Variants in UTRN observed in about 807,000 individuals in gnomAD.
UTRN encodes dystrophin-related protein 1.
Under a neutral mutation model 463.9 loss-of-function variants are expected in UTRN, and 283 were observed. The observed-to-expected ratio is 0.61, with a 90% CI of 0.55 to 0.67. UTRN has a LOEUF of 0.67. UTRN is among the 30% of genes least tolerant of loss of function. UTRN has a pLI of 0.00. For synonymous variants in UTRN, 1,442 were observed against 1,431.5 expected (o/e 1.01, Z -0.17); for missense variants, 3,922 against 4,084.3 (o/e 0.96, Z 1.08).
intron 55 of UTRN, among the ~76,000 whole-genome samples, chr6:144,749,036 C>G: frequency 6.6e-6 from 1 of 152,108 alleles, no homozygotes. Flanking sequence ...ACTGGGAACT[C>G]TCATCTATAA....
At chr6:144,812,502 A>G (rs897654974) in intron 65 of UTRN, among the ~76,000 whole-genome samples, 3 of 152,194 alleles carry the variant, frequency 2.0e-5, no homozygotes, top group African/African-American at 4.8e-5. Context: ...AGCATAAAGT[A>G]AGATTATACA....
intron 43 of UTRN, among the ~76,000 whole-genome samples, chr6:144,534,282 T>A (rs1170272902): frequency 6.6e-6 from 1 of 152,204 alleles, no homozygotes; most frequent in Admixed American, 6.5e-5. Context: ...TTAGGAGTCA[T>A]GACTCACCTC....
intron 1 of UTRN, among the ~76,000 whole-genome samples, chr6:144,287,548 G>A (rs959576639): frequency 6.6e-6 from 1 of 151,728 alleles, no homozygotes; most frequent in African/African-American, 2.4e-5. Context: ...GCACACTGTT[G>A]GATATATATG....
chr6:144,599,424 T>C (rs1021139954), intron 51 of UTRN, among the ~76,000 whole-genome samples: 1 of 152,202 alleles, frequency 6.6e-6, no homozygotes. Flanking sequence ...TACCTTTAAC[T>C]GTGAGGAGTG....
intron 50 of UTRN, among the ~76,000 whole-genome samples, chr6:144,569,804 G>A (rs1800770903): frequency 6.6e-6 from 1 of 152,152 alleles, no homozygotes; most frequent in African/African-American, 2.4e-5. Flanking sequence ...GTCCTTAAAG[G>A]TGGAGGAGGT....
intron 53 of UTRN, among the ~76,000 whole-genome samples, chr6:144,717,277 C>T (rs1180848403): frequency 1.3e-5 from 2 of 152,194 alleles, no homozygotes; most frequent in Non-Finnish European, 1.5e-5. Flanking sequence ...AAGGTTCTCT[C>T]CACAAAGAGG....
intron 42 of UTRN, 107 bp from the exon 43 acceptor site, chr6:144,532,978 T>G: frequency 1.8e-6 from 1 of 544,852 alleles, no homozygotes. Flanking sequence ...TTTCCAGGAG[T>G]TTGTTTCTTT....
At position 144,445,770 on chromosome 6, in the gene UTRN, C is replaced by T. The variant is rs541623834; in HGVS notation, c.1614+1388C>T. On this transcript the variant is annotated intron_variant, in intron 14 of 74. Coordinates refer to ENST00000367545, the MANE Select transcript of UTRN (RefSeq NM_007124.3). Reference sequence around the variant, plus strand: ...CAATAATGACAGTAGAAAGGCTGGGCGCGGTGGATCACGCTTGTAATCCCA... The same window carrying T: ...CAATAATGACAGTAGAAAGGCTGGGTGCGGTGGATCACGCTTGTAATCCCA... Among the ~76,000 whole-genome samples, 6 of 152,188 alleles carry T rather than the reference C, an allele frequency of 3.9e-5. No individual in the cohort carries two copies. In the East Asian group the frequency reaches 5.8e-4, roughly 15 times the overall value.
At chr6:144,549,921 C>T (rs1375895243) in intron 47 of UTRN, among the ~76,000 whole-genome samples, 1 of 152,218 alleles carries the variant, frequency 6.6e-6, no homozygotes, top group African/African-American at 2.4e-5. Flanking sequence ...AATTGGTAAA[C>T]ATCTTCCTTC....
chr6:144,465,676 A>T (rs1458862554), intron 23 of UTRN, among the ~76,000 whole-genome samples: 1 of 152,126 alleles, frequency 6.6e-6, no homozygotes, highest in African/African-American at 2.4e-5. Flanking sequence ...TTACTTAACT[A>T]CTCATGATTT....
At chr6:144,784,333 A>G (rs1345631389) in intron 61 of UTRN, among the ~76,000 whole-genome samples, 1 of 152,152 alleles carries the variant, frequency 6.6e-6, no homozygotes, top group Admixed American at 6.5e-5. Flanking sequence ...CTAGACACTG[A>G]GAGTGTGAGA....
intron 2 of UTRN, among the ~76,000 whole-genome samples, chr6:144,374,699 G>A (rs1780294406): frequency 6.6e-6 from 1 of 151,070 alleles, no homozygotes; most frequent in Non-Finnish European, 1.5e-5. Flanking sequence ...GGTCAGGCTG[G>A]TCTTAATCTC....
intron 53 of UTRN, among the ~76,000 whole-genome samples, chr6:144,718,181 T>C (rs1786717751): frequency 6.6e-6 from 1 of 152,128 alleles, no homozygotes; most frequent in Non-Finnish European, 1.5e-5. Flanking sequence ...ATGATTTTAA[T>C]AGTAATGGGC....
At chr6:144,505,032 CT>C (rs1794580290) in intron 34 of UTRN, among the ~76,000 whole-genome samples, 1 of 152,116 alleles carries the variant, frequency 6.6e-6, no homozygotes, top group South Asian at 2.1e-4. Context: ...TCTACATTTT[CT>C]AGTTCATTTT....
At chr6:144,784,803 A>G (rs955807518) in intron 61 of UTRN, among the ~76,000 whole-genome samples, 1 of 152,242 alleles carries the variant, frequency 6.6e-6, no homozygotes, top group Non-Finnish European at 1.5e-5. Context: ...ACTGTTTCTC[A>G]TTTAGAAAGA....
intron 3 of UTRN, among the ~76,000 whole-genome samples, chr6:144,406,802 A>G (rs1038643637): frequency 2.0e-5 from 3 of 152,150 alleles, no homozygotes; most frequent in African/African-American, 7.2e-5. Flanking sequence ...TTGAAATTGT[A>G]TAATTTTTGG....
At position 144,304,948 on chromosome 6, in the gene UTRN, T is replaced by C. The variant is rs1207207858; in HGVS notation, c.79+13041T>C. ...TAATGTTTTGACTTTTTTTTTTTTT[T>C]GAAATGGAGTTTCACTCTTGTTGCC... On this transcript the variant is annotated intron_variant, in intron 2 of 74. Transcript: ENST00000367545. 2.6e-5 allele frequency among the ~76,000 whole-genome samples: 4 copies of C among 151,940 alleles called. No individual in the cohort carries two copies. In the East Asian group the frequency reaches 7.7e-4, roughly 29 times the overall value.
intron 51 of UTRN, among the ~76,000 whole-genome samples, chr6:144,630,845 G>A (rs2128654295): frequency 6.6e-6 from 1 of 152,008 alleles, no homozygotes; most frequent in East Asian, 1.9e-4. Context: ...CACCCTCCTT[G>A]TCCCTCATTC....
intron 45 of UTRN, among the ~76,000 whole-genome samples, chr6:144,542,375 G>A (rs1355004187): frequency 1.3e-5 from 2 of 152,092 alleles, no homozygotes; most frequent in African/African-American, 4.8e-5. Context: ...AGGACTCAGG[G>A]AGAGCCCAGG....
Sources: allele counts gnomAD v4.1 joint callset (sites outside exome capture counted in the v4.1 genomes callset), GRCh38; gene constraint gnomAD v4.1.1; transcripts MANE v1.5; gene names NCBI Gene and HGNC (gene_info 2026-07-23, HGNC 2026-07-21).